The following VAPA variants were observed in gnomAD, a reference collection of about 807,000 sequenced individuals.
VAPA encodes the protein vesicle-associated membrane protein-associated protein A.
Under a neutral mutation model 25.6 loss-of-function variants are expected in VAPA, and 6 were observed. The ratio of observed to expected loss-of-function variants is 0.23; its 90% CI spans 0.13 to 0.46. The LOEUF is 0.46. VAPA is among the 20% of genes least tolerant of loss of function. The pLI is 0.99. For missense variants in VAPA, 244 were observed against 302.1 expected (o/e 0.81, Z 1.43); for synonymous variants, 112 against 106.2 (o/e 1.05, Z -0.34).
At chr18:9,927,172 G>A (rs867240821) in intron 1 of VAPA, among the ~76,000 whole-genome samples, 3 of 152,112 alleles carry the variant, frequency 2.0e-5, no homozygotes, top group Non-Finnish European at 4.4e-5. Context: ...TTAGTTTGAT[G>A]TGCATCAAAA....
chr18:9,936,573 AC>A (rs1216078293), intron 3 of VAPA: 2 of 199,880 alleles, frequency 1.0e-5, no homozygotes, highest in Non-Finnish European at 2.0e-5. Flanking sequence ...CAAACAAAAA[AC>A]AAAAAAAACC....
chr18:9,935,053 C>T (rs1014684162), intron 2 of VAPA, among the ~76,000 whole-genome samples: 2 of 149,740 alleles, frequency 1.3e-5, no homozygotes, highest in Non-Finnish European at 3.0e-5. Context: ...CGAGATTGTA[C>T]CGCTGCACTC....
chr18:9,946,126 A>G (rs973018972), intron 4 of VAPA, among the ~76,000 whole-genome samples: 6 of 152,180 alleles, frequency 3.9e-5, no homozygotes, highest in African/African-American at 1.2e-4. Context: ...AATACTTGGG[A>G]TATTAGAACT....
In VAPA at chr18:9,943,841, CTTTTTTTTTTTTTTTTTTTTTTTT is replaced by C. The variant is rs71169911; in HGVS notation, c.418-6540_418-6517del. On this transcript the variant is annotated intron_variant, in intron 4 of 5. Coordinates refer to ENST00000400000, the MANE Select transcript of VAPA (RefSeq NM_194434.3). ...TGACATTTGAAGGTGACATATTTCC[CTTTTTTTTTTTTTTTTTTTTTTTT>C]TTTTTTTTTTTTTGAGACAGTGTCT... is the stretch of plus-strand genomic sequence containing the variant. 1.7e-4 allele frequency among the ~76,000 whole-genome samples: 9 copies of C among 51,770 alleles called. No homozygotes were observed. The East Asian group carries it at 2.1e-3, about 12-fold the overall frequency. 34.0% of individuals were successfully genotyped at this position (51,770 alleles called of 152,430 possible).
chr18:9,934,020 C>G (rs79740635), intron 2 of VAPA, among the ~76,000 whole-genome samples: 5,134 of 152,272 alleles, frequency 0.034, 139 homozygotes, highest in East Asian at 0.066. Flanking sequence ...CCCACAGAAA[C>G]CTGACTTATT....
Position 9,954,236 on chromosome 18 carries a change from C to CTTTT in VAPA, c.*35_*38dup. ...GAGTGAAGCATGCAGAGTGCTGTTTCTTTTTTTTTTTTTCTCTTGACCAGA... is the reference window on the plus strand; with the variant it reads ...GAGTGAAGCATGCAGAGTGCTGTTTCTTTTTTTTTTTTTTTTTCTCTTGACCAGA... On this transcript the variant is annotated 3_prime_UTR_variant, in exon 6 of 6. Transcript: ENST00000400000. The CTTTT allele has an allele frequency of 4.5e-6, 6 of 1,343,876 alleles. No individual in the cohort carries two copies. The highest frequency in any genetic ancestry group is 4.7e-5 in the Admixed American group (2 of 42,666). The allele number at this position is 1,343,876 out of a possible 1,614,324, so 83.2% of individuals were successfully genotyped here. A position where few individuals can be genotyped will look rare whatever the true frequency, so the allele number is the denominator to read the frequency against.
At chr18:9,941,891 TTGG>T (rs2069369418) in intron 4 of VAPA, among the ~76,000 whole-genome samples, 3 of 152,210 alleles carry the variant, frequency 2.0e-5, no homozygotes, top group Admixed American at 2.0e-4. Flanking sequence ...TTGAAAACTG[TTGG>T]TGATGTATTT....
chr18:9,940,713 A>G (rs1168350966), intron 4 of VAPA, among the ~76,000 whole-genome samples: 3 of 152,216 alleles, frequency 2.0e-5, no homozygotes, highest in East Asian at 1.9e-4. Flanking sequence ...ACAGCAATAC[A>G]TAAATACAGC....
chr18:9,928,333 A>G (rs2069220213), intron 1 of VAPA, among the ~76,000 whole-genome samples: 1 of 152,174 alleles, frequency 6.6e-6, no homozygotes, highest in Non-Finnish European at 1.5e-5. Context: ...AAAGATATAT[A>G]CAGTTCAAGG....
At position 9,931,910 on chromosome 18, in the gene VAPA, T is replaced by C; in HGVS notation, c.180T>C (p.Cys60=). The C allele has an allele frequency of 6.2e-7, 1 of 1,612,304 alleles. No homozygotes were observed. Among genetic ancestry groups the C allele is most frequent in the Non-Finnish European group, 8.5e-7 (1 of 1,178,896 alleles). Residue 60 remains cysteine (C), a synonymous_variant, in exon 2 of 6, where the codon TGT becomes TGC. Transcript: ENST00000400000. ...AGACTACAGCACCTCGCCGGTACTG[T>C]GTGAGGCCCAACAGTGGAATTATTG... The part of the protein sequence containing the change: ...KVKTTAPRRY[C]VRPNSGIIDP...
chr18:9,917,286 T>G (rs1454513096), intron 1 of VAPA, among the ~76,000 whole-genome samples: 4 of 152,236 alleles, frequency 2.6e-5, no homozygotes, highest in Non-Finnish European at 5.9e-5. Flanking sequence ...TTTATTTTTC[T>G]ACCTATTAGC....
At chr18:9,942,731 G>C (rs1481621152) in intron 4 of VAPA, among the ~76,000 whole-genome samples, 1 of 152,118 alleles carries the variant, frequency 6.6e-6, no homozygotes, top group Non-Finnish European at 1.5e-5. Flanking sequence ...GAGCAAGAGA[G>C]AGCGAAGGGG....
chr18:9,921,601 C>T (rs1259725255), intron 1 of VAPA, among the ~76,000 whole-genome samples: 1 of 152,156 alleles, frequency 6.6e-6, no homozygotes, highest in East Asian at 1.9e-4. Flanking sequence ...ACATATGCAT[C>T]ATCTCAACAT....
rs1029425938 is a variant in VAPA, at chr18:9,937,025, T to C, written c.376T>C (p.Leu126=). 1.9e-6 allele frequency: 3 copies of C among 1,613,896 alleles called. No homozygotes were observed. The African/African-American group carries it at 4.0e-5, about 22-fold the overall frequency. Residue 126 remains leucine, a synonymous_variant, in exon 4 of 6, where the codon TTG becomes CTG. Coordinates refer to ENST00000400000, the MANE Select transcript of VAPA (RefSeq NM_194434.3). Reference sequence around the variant, plus strand: ...ACCTGATGAATTAATGGATTCCAAATTGAGATGCGTATTTGAAATGCCCAA... The same window carrying C: ...ACCTGATGAATTAATGGATTCCAAACTGAGATGCGTATTTGAAATGCCCAA... ...AKPDELMDSK[L]RCVFEMPNEN...
At chr18:9,941,003 T>A (rs765364470) in intron 4 of VAPA, among the ~76,000 whole-genome samples, 24 of 152,192 alleles carry the variant, frequency 1.6e-4, no homozygotes, top group Non-Finnish European at 2.9e-4. Flanking sequence ...GGAAGTGTTC[T>A]GTAGACAGGT....
chr18:9,946,379 C>T (rs1009394987), intron 4 of VAPA, among the ~76,000 whole-genome samples: 1 of 152,172 alleles, frequency 6.6e-6, no homozygotes, highest in Admixed American at 6.5e-5. Context: ...ATTCAACCTG[C>T]AGCCTGCGGC....
intron 1 of VAPA, among the ~76,000 whole-genome samples, chr18:9,916,345 G>A (rs1399655944): frequency 6.6e-6 from 1 of 152,192 alleles, no homozygotes. Flanking sequence ...GAAAAGGTGT[G>A]TAGATGGTAT....
intron 4 of VAPA, among the ~76,000 whole-genome samples, chr18:9,943,859 T>A (rs2069391778): frequency 9.5e-6 from 1 of 105,552 alleles, no homozygotes; most frequent in African/African-American, 3.6e-5. Context: ...TTTTTTTTTT[T>A]TTTTTTTTTT....
At position 9,950,376 on chromosome 18, in the gene VAPA, C is replaced by T. The variant is rs769898500; in HGVS notation, c.418-19C>T. On this transcript the variant is annotated intron_variant, in intron 4 of 5. Transcript: ENST00000400000. ...GAGATTTGGTTAGTTAAAAAATTCCCAATATCTTTGTAATGCAGAATGATA... is the reference window on the plus strand; with the variant it reads ...GAGATTTGGTTAGTTAAAAAATTCCTAATATCTTTGTAATGCAGAATGATA... 5 of 1,602,562 alleles carry T rather than the reference C, an allele frequency of 3.1e-6. No individual in the cohort carries two copies. In the Admixed American group the frequency reaches 7.1e-5, roughly 23 times the overall value.
Sources: allele counts gnomAD v4.1 joint callset (sites outside exome capture counted in the v4.1 genomes callset), GRCh38; gene constraint gnomAD v4.1.1; transcripts MANE v1.5; gene names NCBI Gene and HGNC (gene_info 2026-07-23, HGNC 2026-07-21).